The following TSNAX variants were observed in gnomAD, a reference collection of about 807,000 sequenced individuals.
TSNAX encodes translin associated factor X, also known as translin-associated protein X.
A neutral mutation model predicts 33.0 loss-of-function variants in TSNAX; 12 were observed. The observed-to-expected ratio is 0.36, with a 90% CI of 0.23 to 0.59. TSNAX has a LOEUF of 0.59. Ranked by LOEUF, TSNAX falls within the 20% of genes least tolerant of loss-of-function variation. TSNAX has a pLI of 0.74. For synonymous variants in TSNAX, 110 were observed against 117.2 expected, an observed-to-expected ratio of 0.94 and a Z score of 0.40; for missense variants, 267 against 341.3, an observed-to-expected ratio of 0.78 and a Z score of 1.72.
intron 2 of TSNAX, among the ~76,000 whole-genome samples, chr1:231,531,947 A>G (rs1269670978): frequency 1.3e-5 from 2 of 151,950 alleles, no homozygotes; most frequent in Non-Finnish European, 2.9e-5. Flanking sequence ...TAGTATGCTT[A>G]TAGTCCTGGC....
At chr1:231,561,832 A>C (rs1009183168) in intron 5 of TSNAX, among the ~76,000 whole-genome samples, 1 of 152,226 alleles carries the variant, frequency 6.6e-6, no homozygotes, top group Non-Finnish European at 1.5e-5. Context: ...TAATTAGGCA[A>C]TATACAGCAG....
At chr1:231,561,751 T>A (rs1661131756) in intron 5 of TSNAX, among the ~76,000 whole-genome samples, 2 of 152,178 alleles carry the variant, frequency 1.3e-5, no homozygotes. Context: ...TCTCACAGTG[T>A]GCTACAGGGA....
chr1:231,542,333 C>T, intron 3 of TSNAX, 148 bp from the exon 4 acceptor site: 4 of 720,064 alleles, frequency 5.6e-6, no homozygotes, highest in East Asian at 6.2e-5. Flanking sequence ...TTTTCATGTT[C>T]TCCATACTAT....
rs1659250876 is a variant in TSNAX, at chr1:231,537,385, T to G, written c.236+58T>G. ...TGATACTAGCTATTAGAATATTCTG[T>G]GACTTTGTGAGGATTAGAAGACATC... On this transcript the variant is annotated intron_variant, in intron 3 of 5. Transcript: ENST00000366639. 2.6e-6 allele frequency: 3 copies of G among 1,167,584 alleles called. No homozygotes were observed. In the Admixed American group the frequency reaches 6.0e-5, roughly 23 times the overall value. The allele number at this position is 1,167,584 out of a possible 1,614,324, so 72.3% of individuals were successfully genotyped here. A position where few individuals can be genotyped will look rare whatever the true frequency, so the allele number is the denominator to read the frequency against.
chr1:231,548,339 T>A (rs945123610), intron 4 of TSNAX, among the ~76,000 whole-genome samples: 2 of 152,196 alleles, frequency 1.3e-5, no homozygotes, highest in African/African-American at 4.8e-5. Flanking sequence ...CACAGTAAAA[T>A]GAGTAAACTT....
intron 3 of TSNAX, among the ~76,000 whole-genome samples, chr1:231,541,074 G>A (rs1384020150): frequency 1.3e-5 from 2 of 152,056 alleles, no homozygotes; most frequent in African/African-American, 4.8e-5. Flanking sequence ...CAGGTGTTTA[G>A]ACCGTTTACA....
At chr1:231,532,181 C>G (rs1342370574) in intron 2 of TSNAX, among the ~76,000 whole-genome samples, 1 of 107,934 alleles carries the variant, frequency 9.3e-6, no homozygotes, top group Admixed American at 9.9e-5. Flanking sequence ...CACACACACA[C>G]ACACAGTTTT....
intron 2 of TSNAX, among the ~76,000 whole-genome samples, chr1:231,529,601 T>C (rs1360733273): frequency 6.6e-6 from 1 of 152,226 alleles, no homozygotes; most frequent in Non-Finnish European, 1.5e-5. Flanking sequence ...CATTAATTAA[T>C]ATTTGACATG....
At chr1:231,551,973 C>CA (rs1185881857) in intron 4 of TSNAX, among the ~76,000 whole-genome samples, 1 of 152,002 alleles carries the variant, frequency 6.6e-6, no homozygotes, top group Non-Finnish European at 1.5e-5. Flanking sequence ...GCCTGTGTGA[C>CA]AGAGCAAGAT....
intron 4 of TSNAX, among the ~76,000 whole-genome samples, chr1:231,557,412 G>A (rs768464687): frequency 2.0e-5 from 3 of 152,098 alleles, no homozygotes; most frequent in Admixed American, 1.3e-4. Flanking sequence ...AGATGAAGAC[G>A]GAAAGAATGT....
intron 4 of TSNAX, among the ~76,000 whole-genome samples, chr1:231,545,288 A>G (rs934390518): frequency 6.6e-6 from 1 of 152,216 alleles, no homozygotes; most frequent in Non-Finnish European, 1.5e-5. Flanking sequence ...AGATAAAACA[A>G]TTCTGGCAAT....
At position 231,564,392 on chromosome 1, in the gene TSNAX, A is replaced by C. The variant is rs997992232; in HGVS notation, c.496-136A>C. The C allele has an allele frequency of 3.7e-5, 54 of 1,457,506 alleles. No homozygotes were observed. The East Asian group carries it at 1.2e-3, about 31-fold the overall frequency. The allele number at this position is 1,457,506 out of a possible 1,614,324, so 90.3% of individuals were successfully genotyped here. On this transcript the variant is annotated intron_variant, in intron 5 of 5. Coordinates refer to ENST00000366639, the MANE Select transcript of TSNAX (RefSeq NM_005999.3). ...AAAACAGATTTATTTTATTTAGAAA[A>C]AATTAGTATGACTGATTTGCTATTG...
intron 4 of TSNAX, among the ~76,000 whole-genome samples, chr1:231,550,800 G>A (rs1316734397): frequency 6.6e-6 from 1 of 152,208 alleles, no homozygotes; most frequent in African/African-American, 2.4e-5. Flanking sequence ...GGGCAAGCCT[G>A]TGTGAATCCC....
rs377241564 is a variant in TSNAX, at chr1:231,559,344, T to G, written c.368-1784T>G. On this transcript the variant is annotated intron_variant, in intron 4 of 5. Transcript: ENST00000366639. ...TGTTGTTGTTGTTGTTGTTGTTGTT[T>G]TTGAGATGGAATCTTGCTCTGTTGC... is the stretch of plus-strand genomic sequence containing the variant. Among the ~76,000 whole-genome samples the G allele has an allele frequency of 6.3e-5, 8 of 127,272 alleles. No homozygotes were observed. The South Asian group carries it at 6.8e-4, about 11-fold the overall frequency. 83.5% of individuals were successfully genotyped at this position (127,272 alleles called of 152,430 possible).
intron 4 of TSNAX, among the ~76,000 whole-genome samples, chr1:231,556,038 C>T (rs1230099880): frequency 6.6e-6 from 1 of 152,110 alleles, no homozygotes; most frequent in Non-Finnish European, 1.5e-5. Flanking sequence ...TTTAAAACTA[C>T]TCCTGCTTCT....
intron 3 of TSNAX, among the ~76,000 whole-genome samples, chr1:231,539,433 T>C (rs535247580): frequency 6.6e-6 from 1 of 152,294 alleles, no homozygotes; most frequent in African/African-American, 2.4e-5. Flanking sequence ...AGCATTTCCT[T>C]AGAGTGTCTT....
intron 4 of TSNAX, among the ~76,000 whole-genome samples, chr1:231,558,163 G>A (rs1660810320): frequency 6.6e-6 from 1 of 152,118 alleles, no homozygotes. Flanking sequence ...GACTCTCTGG[G>A]AAGCTGTCCA....
intron 2 of TSNAX, among the ~76,000 whole-genome samples, chr1:231,532,131 A>ACACACACACACACACACACAC (rs1231238804): frequency 1.2e-5 from 1 of 85,150 alleles, no homozygotes; most frequent in Non-Finnish European, 2.1e-5. Flanking sequence ...TAGTGGTAAT[A>ACACACACACACACACACACAC]ACACACACAC....
At position 231,528,929 on chromosome 1, in the gene TSNAX, C is replaced by T. The variant is rs887975647; in HGVS notation, c.16+103C>T. On this transcript the variant is annotated intron_variant, in intron 1 of 5. Transcript: ENST00000366639. ...TTCACCCTTGAAGGATGCCTTCGTC[C>T]CTTGTAGACTCGGGGGCGGCCCCTC... 5 of 1,469,336 alleles carry T rather than the reference C, an allele frequency of 3.4e-6. No individual in the cohort carries two copies. The African/African-American group carries it at 4.2e-5, about 12-fold the overall frequency. The allele number at this position is 1,469,336 out of a possible 1,614,324, so 91.0% of individuals were successfully genotyped here.
Sources: gnomAD v4.1 joint callset for allele counts (sites outside exome capture counted in the v4.1 genomes callset) on GRCh38, gnomAD v4.1.1 for gene constraint, MANE v1.5 for transcripts, NCBI Gene and HGNC (gene_info 2026-07-23, HGNC 2026-07-21) for gene names.